ITGB2: variants seen among roughly 807,000 people sequenced by gnomAD.
The protein encoded by ITGB2 is integrin subunit beta 2.
A neutral mutation model predicts 86.8 loss-of-function variants in ITGB2; 56 were observed. The ratio of observed to expected loss-of-function variants is 0.65; its 90% CI spans 0.52 to 0.81. The LOEUF is 0.81. Ranked by LOEUF, ITGB2 falls within the 30% of genes least tolerant of loss-of-function variation. ITGB2 has a pLI of 0.00. For missense variants in ITGB2, 948 were observed against 1,061.2 expected (o/e 0.89, Z 1.48); for synonymous variants, 457 against 450.4 (o/e 1.01, Z -0.19).
chr21:44,916,741 G>A (rs1470538799), intron 1 of ITGB2, among the ~76,000 whole-genome samples: 6 of 151,880 alleles, frequency 4.0e-5, no homozygotes, highest in African/African-American at 7.3e-5. Context: ...GGTGGCGGGC[G>A]CCTGTAATCC....
chr21:44,905,695 C>T (rs2084031901), intron 4 of ITGB2, among the ~76,000 whole-genome samples: 1 of 152,166 alleles, frequency 6.6e-6, no homozygotes, highest in African/African-American at 2.4e-5. Context: ...GAGGGGCAGG[C>T]CTGACCCTAC....
At position 44,906,919 on chromosome 21, in the gene ITGB2, T is replaced by C. The variant is rs1029945216; in HGVS notation, c.324A>G (p.Arg108=). Residue 108 remains arginine (R), a synonymous_variant, in exon 4 of 16, where the codon CGA becomes CGG. Coordinates refer to ENST00000652462, the MANE Select transcript of ITGB2 (RefSeq NM_000211.5). ...CACCACCGAGGCCAAGCCTACCTGG[T>C]CGCAGGTAAAGCGTCACTTTTTGTG... ...LSPQKVTLYL[R]PGQAAAFNVT... The C allele has an allele frequency of 6.2e-7, 1 of 1,614,132 alleles. No individual in the cohort carries two copies. The highest frequency in any genetic ancestry group is 2.2e-5 in the East Asian group (1 of 44,884).
intron 3 of ITGB2, among the ~76,000 whole-genome samples, chr21:44,909,876 G>T (rs1007477224): frequency 5.3e-5 from 8 of 152,216 alleles, no homozygotes; most frequent in African/African-American, 1.9e-4. Flanking sequence ...GCTGTGTTTG[G>T]TGGGTCCCGT....
intron 14 of ITGB2, among the ~76,000 whole-genome samples, chr21:44,887,872 G>A (rs1006383890): frequency 3.9e-5 from 6 of 152,202 alleles, no homozygotes; most frequent in Admixed American, 1.3e-4. Context: ...CGCCTGCCTC[G>A]GGTCCCTTCC....
intron 5 of ITGB2, among the ~76,000 whole-genome samples, chr21:44,902,375 G>T (rs529284575): frequency 6.6e-6 from 1 of 152,132 alleles, no homozygotes; most frequent in South Asian, 2.1e-4. Context: ...GTGTGAGCGT[G>T]CATTCACGTG....
intron 14 of ITGB2, among the ~76,000 whole-genome samples, chr21:44,887,328 G>A (rs1300843746): frequency 6.6e-6 from 1 of 152,196 alleles, no homozygotes; most frequent in Non-Finnish European, 1.5e-5. Context: ...CAAGACCAGA[G>A]ACCAGAGCTC....
chr21:44,916,673 G>T (rs1456026488), intron 1 of ITGB2, among the ~76,000 whole-genome samples: 1 of 152,046 alleles, frequency 6.6e-6, no homozygotes, highest in Non-Finnish European at 1.5e-5. Context: ...TTTGAGACCA[G>T]CCTGAGCAAC....
At chr21:44,889,158 C>G (rs1351710947) in intron 13 of ITGB2, 118 bp downstream of exon 13, 4 of 1,015,562 alleles carry the variant, frequency 3.9e-6, no homozygotes, top group Admixed American at 1.9e-5. Flanking sequence ...CAGACGCACC[C>G]GCAGAGAACC....
In ITGB2 at chr21:44,903,407, G is replaced by T; in HGVS notation, c.457C>A (p.Leu153Met). The change falls in exon 5 of 16, where the codon CTG becomes ATG. Residue 153 changes from leucine (L) to methionine (M), a missense_variant. Leu to Met is a conservative substitution (Grantham distance 15). Coordinates refer to ENST00000652462, the MANE Select transcript of ITGB2 (RefSeq NM_000211.5). The stretch of plus-strand genomic sequence containing the variant: ...GTGATCTCGTTGAGGGCCCGGAGCA[G>T]GTCGCCACCTAGCTTCTTGACATTC... ...LRNVKKLGGDLLRALNEITES... is the reference protein window; with the variant it reads ...LRNVKKLGGDMLRALNEITES... The T allele has an allele frequency of 1.2e-6, 2 of 1,614,118 alleles. No homozygotes were observed. Among genetic ancestry groups the T allele is most frequent in the East Asian group, 2.2e-5 (1 of 44,866 alleles).
chr21:44,918,281 A>G (rs1351202932), intron 1 of ITGB2, among the ~76,000 whole-genome samples: 1 of 152,214 alleles, frequency 6.6e-6, no homozygotes, highest in African/African-American at 2.4e-5. Context: ...GACACAGGAC[A>G]CGAGTGCAGC....
intron 1 of ITGB2, among the ~76,000 whole-genome samples, chr21:44,915,361 C>T (rs191174497): frequency 1.1e-4 from 17 of 152,270 alleles, no homozygotes; most frequent in African/African-American, 2.4e-5. Context: ...AACCCTAAGA[C>T]GAGACTGCTT....
chr21:44,901,923 G>A (rs767014056), intron 5 of ITGB2, 190 bp from the exon 6 acceptor site: 33 of 640,704 alleles, frequency 5.2e-5, no homozygotes, highest in Middle Eastern at 4.2e-4. Flanking sequence ...GTATGTGGGC[G>A]TGTGTGTGAA....
At chr21:44,904,896 C>T (rs1279528927) in intron 4 of ITGB2, among the ~76,000 whole-genome samples, 3 of 152,146 alleles carry the variant, frequency 2.0e-5, no homozygotes, top group African/African-American at 4.8e-5. Context: ...TCACACCCGG[C>T]ACTCCTGGCC....
At chr21:44,922,506 CA>C (rs1164595837), upstream of ITGB2, among the ~76,000 whole-genome samples, 1 of 151,824 alleles carries the variant, frequency 6.6e-6, no homozygotes, top group Non-Finnish European at 1.5e-5. Context: ...CTCATCTCTA[CA>C]AAAAAATTTT....
chr21:44,918,197 G>A (rs939210291), intron 1 of ITGB2, among the ~76,000 whole-genome samples: 1 of 152,226 alleles, frequency 6.6e-6, no homozygotes, highest in Non-Finnish European at 1.5e-5. Flanking sequence ...TGACCCCTGT[G>A]GCAGCTGGCA....
intron 1 of ITGB2, among the ~76,000 whole-genome samples, chr21:44,919,460 G>GGGATTCTGCAGTGAGCTGGGCAT (rs1189668674): frequency 6.6e-6 from 1 of 152,214 alleles, no homozygotes; most frequent in African/African-American, 2.4e-5. Flanking sequence ...CTGGCCCCCG[G>GGGATTCTGCAGTGAGCTGGGCAT]GGATTCTGCA....
chr21:44,901,159 A>G (rs1348513500), intron 6 of ITGB2, among the ~76,000 whole-genome samples: 3 of 152,178 alleles, frequency 2.0e-5, no homozygotes, highest in African/African-American at 7.2e-5. Flanking sequence ...GTTCCACCCC[A>G]GGAACCACGG....
chr21:44,887,331 C>G (rs545617009), intron 14 of ITGB2, among the ~76,000 whole-genome samples: 21 of 152,268 alleles, frequency 1.4e-4, no homozygotes, highest in African/African-American at 5.1e-4. Context: ...GACCAGAGAC[C>G]AGAGCTCAGC....
intron 1 of ITGB2, among the ~76,000 whole-genome samples, chr21:44,915,640 T>G (rs889189698): frequency 1.6e-4 from 25 of 152,282 alleles, no homozygotes; most frequent in African/African-American, 5.8e-4. Context: ...AGCATCAAGA[T>G]GGACTCATTT....
Sources: allele counts gnomAD v4.1 joint callset (sites outside exome capture counted in the v4.1 genomes callset), GRCh38; gene constraint gnomAD v4.1.1; transcripts MANE v1.5; gene names NCBI Gene and HGNC (gene_info 2026-07-23, HGNC 2026-07-21).